The following VEGFC variants were observed in gnomAD, a reference collection of about 807,000 sequenced individuals.
VEGFC encodes the protein vascular endothelial growth factor C.
Under a neutral mutation model 46.1 loss-of-function variants are expected in VEGFC, and 12 were observed. The observed-to-expected ratio is 0.26, with a 90% CI of 0.17 to 0.42. The LOEUF (loss-of-function observed/expected upper bound fraction) is 0.42. Among genes scored for constraint, VEGFC ranks in the 10% least tolerant of loss-of-function variants. The probability of loss-of-function intolerance (pLI) is 1.00; values close to 1 mark genes in which losing one functional copy is unlikely to be tolerated. For synonymous variants in VEGFC, 232 were observed against 195.5 expected (o/e 1.19, Z -1.56); for missense variants, 488 against 529.4 (o/e 0.92, Z 0.77).
chr4:176,695,752 C>G (rs969836517), intron 4 of VEGFC, among the ~76,000 whole-genome samples: 5 of 151,970 alleles, frequency 3.3e-5, no homozygotes, highest in African/African-American at 1.2e-4. Context: ...CAAAACGAAT[C>G]CAGCAGCACA....
intron 4 of VEGFC, among the ~76,000 whole-genome samples, chr4:176,692,464 C>CT (rs1202739815): frequency 2.2e-5 from 3 of 135,198 alleles, no homozygotes; most frequent in Non-Finnish European, 4.5e-5. Context: ...CCGCACCTGG[C>CT]TCGAGGGTCC....
chr4:176,758,247 G>A (rs560183917), intron 1 of VEGFC, among the ~76,000 whole-genome samples: 6 of 152,136 alleles, frequency 3.9e-5, no homozygotes, highest in African/African-American at 1.4e-4. Context: ...ATATATGTGA[G>A]GACAAATATT....
At chr4:176,684,528 G>T (rs1226913984) in intron 6 of VEGFC, among the ~76,000 whole-genome samples, 1 of 152,154 alleles carries the variant, frequency 6.6e-6, no homozygotes, top group East Asian at 1.9e-4. Context: ...TTGGCAGCTG[G>T]CTGCATGACG....
chr4:176,731,974 C>T (rs912536857), intron 1 of VEGFC, among the ~76,000 whole-genome samples: 2 of 151,094 alleles, frequency 1.3e-5, no homozygotes, highest in African/African-American at 2.4e-5. Context: ...AGAGAAAATG[C>T]AATATTAAAA....
At chr4:176,787,750 A>G (rs1736027743) in intron 1 of VEGFC, among the ~76,000 whole-genome samples, 1 of 152,192 alleles carries the variant, frequency 6.6e-6, no homozygotes, top group South Asian at 2.1e-4. Flanking sequence ...CCAAAAATTT[A>G]CACTAGTAAG....
intron 4 of VEGFC, among the ~76,000 whole-genome samples, chr4:176,706,653 A>AAAAAAG (rs1734541661): frequency 7.7e-6 from 1 of 130,692 alleles, no homozygotes; most frequent in African/African-American, 2.6e-5. Flanking sequence ...AAAAAAAAAA[A>AAAAAAG]AGAGAAATCT....
At chr4:176,732,361 A>G (rs1410227446) in intron 1 of VEGFC, among the ~76,000 whole-genome samples, 1 of 151,964 alleles carries the variant, frequency 6.6e-6, no homozygotes, top group African/African-American at 2.4e-5. Flanking sequence ...CTTTTAACAA[A>G]TTAGCACCTG....
intron 4 of VEGFC, among the ~76,000 whole-genome samples, chr4:176,699,118 A>G (rs1217821714): frequency 6.6e-6 from 1 of 152,200 alleles, no homozygotes; most frequent in Non-Finnish European, 1.5e-5. Context: ...AAGCTCTTTT[A>G]ATAAGGTTTT....
chr4:176,743,046 C>A (rs1338385436), intron 1 of VEGFC, among the ~76,000 whole-genome samples: 1 of 152,030 alleles, frequency 6.6e-6, no homozygotes, highest in Non-Finnish European at 1.5e-5. Context: ...GAAGCAGATA[C>A]TGAAGGCCAG....
intron 1 of VEGFC, among the ~76,000 whole-genome samples, chr4:176,751,777 T>C (rs1735346119): frequency 6.6e-6 from 1 of 151,858 alleles, no homozygotes; most frequent in Admixed American, 6.6e-5. Context: ...AGAATATTGG[T>C]TAACTTGGTG....
Position 176,687,367 on chromosome 4 carries a change from T to G in VEGFC, c.965A>C (p.Lys322Thr). The change falls in exon 6 of 7, where the codon AAA becomes ACA. Residue 322 changes from lysine (K) to threonine (T), a missense_variant. Lys to Thr is a moderately conservative substitution (Grantham distance 78). Coordinates refer to ENST00000618562, the MANE Select transcript of VEGFC (RefSeq NM_005429.5). ...GGCCCCACATTGGCTGGGGAAGAGT[T>G]TGTTTTTACAGACACACTGGCATGA... ...RNSCQCVCKN[K>T]LFPSQCGANR... The G allele has an allele frequency of 6.2e-7, 1 of 1,614,144 alleles. No homozygotes were observed. Among genetic ancestry groups the G allele is most frequent in the Non-Finnish European group, 8.5e-7 (1 of 1,180,026 alleles).
At chr4:176,766,231 C>G (rs1735619963) in intron 1 of VEGFC, among the ~76,000 whole-genome samples, 1 of 152,098 alleles carries the variant, frequency 6.6e-6, no homozygotes, top group Non-Finnish European at 1.5e-5. Flanking sequence ...TCAATGGAAT[C>G]TCAATATCTA....
intron 3 of VEGFC, among the ~76,000 whole-genome samples, chr4:176,724,438 G>A (rs191135861): frequency 5.3e-5 from 8 of 152,314 alleles, no homozygotes; most frequent in Non-Finnish European, 7.4e-5. Context: ...CATTAATCAA[G>A]TAACAATGAC....
chr4:176,706,762 C>T (rs901278211), intron 4 of VEGFC, among the ~76,000 whole-genome samples: 8 of 150,734 alleles, frequency 5.3e-5, no homozygotes, highest in African/African-American at 2.0e-4. Flanking sequence ...AATTTGCATA[C>T]AATAACATGC....
At chr4:176,713,306 A>G (rs1016443438) in intron 3 of VEGFC, among the ~76,000 whole-genome samples, 1 of 152,178 alleles carries the variant, frequency 6.6e-6, no homozygotes, top group Admixed American at 6.5e-5. Context: ...AAATATTGCA[A>G]TGGCAGTAAT....
chr4:176,713,943 T>C (rs140216052), intron 3 of VEGFC, among the ~76,000 whole-genome samples: 6,565 of 152,144 alleles, frequency 0.043, 196 homozygotes, highest in Non-Finnish European at 0.069. Context: ...CAGCACCCGA[T>C]GTGGTTCCAA....
chr4:176,711,461 T>C lies in VEGFC; in HGVS notation c.704+38A>G, dbSNP rs561174157. 6 of 1,573,148 alleles carry C rather than the reference T, an allele frequency of 3.8e-6. No individual in the cohort carries two copies. In the East Asian group the frequency reaches 1.4e-4, roughly 36 times the overall value. ...TTACTTGAAAATAATTTAATATTAG[T>C]AGAGGATGCAGAAAAAATAGATTTA... On this transcript the variant is annotated intron_variant, in intron 4 of 6. Transcript: ENST00000618562.
At chr4:176,756,522 G>A (rs1339947706) in intron 1 of VEGFC, among the ~76,000 whole-genome samples, 1 of 151,978 alleles carries the variant, frequency 6.6e-6, no homozygotes, top group Non-Finnish European at 1.5e-5. Context: ...GAACATTCCA[G>A]GCTCTTTGAA....
intron 3 of VEGFC, among the ~76,000 whole-genome samples, chr4:176,726,036 A>C (rs1337921295): frequency 1.3e-5 from 2 of 152,140 alleles, no homozygotes; most frequent in Non-Finnish European, 1.5e-5. Flanking sequence ...GTATTAATTT[A>C]TTTAGAATAG....
Sources: allele counts gnomAD v4.1 joint callset (sites outside exome capture counted in the v4.1 genomes callset), GRCh38; gene constraint gnomAD v4.1.1; transcripts MANE v1.5; gene names NCBI Gene and HGNC (gene_info 2026-07-23, HGNC 2026-07-21).